The following SLC9A9 variants were observed in gnomAD, a reference collection of about 807,000 sequenced individuals.
The protein encoded by SLC9A9 is sodium/hydrogen exchanger 9.
A neutral mutation model predicts 77.8 loss-of-function variants in SLC9A9; 62 were observed. That is an observed-to-expected ratio of 0.80 (90% CI 0.65 to 0.98). The LOEUF (loss-of-function observed/expected upper bound fraction) is 0.98. Among genes scored for constraint, SLC9A9 ranks in the 50% least tolerant of loss-of-function variants. The probability of loss-of-function intolerance (pLI) is 0.00; values close to 1 mark genes in which losing one functional copy is unlikely to be tolerated. For synonymous variants in SLC9A9, 320 were observed against 283.5 expected (o/e 1.13, Z -1.29); for missense variants, 775 against 774.9 (o/e 1.00, Z 0.00).
At chr3:143,626,786 A>C in intron 6 of SLC9A9, 1 of 152,258 alleles carries the variant, frequency 6.6e-6, no homozygotes, top group African/African-American at 2.4e-5. Context: ...AAAAAGAAAT[A>C]GGAGAAACAA....
intron 13 of SLC9A9, among the ~76,000 whole-genome samples, chr3:143,368,927 C>A (rs1379355405): frequency 6.6e-6 from 1 of 152,116 alleles, no homozygotes; most frequent in Non-Finnish European, 1.5e-5. Flanking sequence ...TAATTCTTAG[C>A]CTCTGCATAG....
chr3:143,654,286 G>A (rs1490129827), intron 5 of SLC9A9, among the ~76,000 whole-genome samples: 1 of 152,104 alleles, frequency 6.6e-6, no homozygotes, highest in East Asian at 1.9e-4. Context: ...TTTTAAAGAA[G>A]TTACTGCAAA....
intron 4 of SLC9A9, among the ~76,000 whole-genome samples, chr3:143,757,747 C>T (rs768321391): frequency 1.3e-5 from 2 of 152,058 alleles, no homozygotes; most frequent in Non-Finnish European, 2.9e-5. Flanking sequence ...TGTTTCACCT[C>T]GTATTTTTGC....
intron 14 of SLC9A9, among the ~76,000 whole-genome samples, chr3:143,321,362 G>A (rs1012470648): frequency 5.9e-5 from 9 of 152,288 alleles, no homozygotes; most frequent in South Asian, 2.1e-4. Context: ...AGGAAGGGAC[G>A]GAAATAGGTA....
chr3:143,732,211 A>G (rs1302119309), intron 4 of SLC9A9, among the ~76,000 whole-genome samples: 1 of 152,190 alleles, frequency 6.6e-6, no homozygotes, highest in African/African-American at 2.4e-5. Context: ...CTGTGCCATG[A>G]ATTTTAAATA....
Position 143,280,471 on chromosome 3 carries a change from G to A in SLC9A9, c.1605-11491C>T, listed in dbSNP as rs184892261. The stretch of plus-strand genomic sequence containing the variant: ...ATGTCACAAATCTCTTCTCCTCCTA[G>A]ACATACTTTTTTCCTCAGATGTAGT... On this transcript the variant is annotated intron_variant, in intron 14 of 15. Coordinates refer to ENST00000316549, the MANE Select transcript of SLC9A9 (RefSeq NM_173653.4). Among the ~76,000 whole-genome samples, 21 of 151,478 alleles carry A rather than the reference G, an allele frequency of 1.4e-4. 1 individual carries two copies. The East Asian group carries it at 4.1e-3, about 29-fold the overall frequency.
At chr3:143,725,714 C>T (rs1396928881) in intron 4 of SLC9A9, among the ~76,000 whole-genome samples, 9 of 123,382 alleles carry the variant, frequency 7.3e-5, no homozygotes, top group Non-Finnish European at 1.1e-4. Context: ...GGAAGGGGAA[C>T]GTCACACTCT....
chr3:143,337,372 AG>A (rs1467134652), intron 14 of SLC9A9, among the ~76,000 whole-genome samples: 1 of 152,190 alleles, frequency 6.6e-6, no homozygotes, highest in Non-Finnish European at 1.5e-5. Context: ...GTCACCTGAT[AG>A]GAAACATCAG....
intron 14 of SLC9A9, among the ~76,000 whole-genome samples, chr3:143,301,067 C>A (rs1183229639): frequency 6.6e-6 from 1 of 152,206 alleles, no homozygotes; most frequent in South Asian, 2.1e-4. Context: ...CCACCTTCAC[C>A]ATGACCTTGG....
At chr3:143,475,515 G>C (rs1398456112) in intron 11 of SLC9A9, among the ~76,000 whole-genome samples, 1 of 151,932 alleles carries the variant, frequency 6.6e-6, no homozygotes, top group Non-Finnish European at 1.5e-5. Context: ...ATTAGAGGCC[G>C]GGTGCAGTGG....
intron 1 of SLC9A9, among the ~76,000 whole-genome samples, chr3:143,847,147 C>T (rs974464720): frequency 2.0e-5 from 3 of 152,162 alleles, no homozygotes; most frequent in Non-Finnish European, 2.9e-5. Flanking sequence ...GATCTGTACC[C>T]TGAATCTCAG....
chr3:143,579,960 G>A (rs1376833486), intron 6 of SLC9A9, among the ~76,000 whole-genome samples: 1 of 152,202 alleles, frequency 6.6e-6, no homozygotes, highest in African/African-American at 2.4e-5. Context: ...AACCCCCAAA[G>A]TAGGCCAAAC....
At chr3:143,463,458 G>A (rs986464039) in intron 12 of SLC9A9, among the ~76,000 whole-genome samples, 4 of 152,174 alleles carry the variant, frequency 2.6e-5, no homozygotes, top group Admixed American at 2.0e-4. Context: ...CCATTTGGTC[G>A]ATAATCTTGT....
chr3:143,529,929 A>G (rs2036475565), intron 9 of SLC9A9, among the ~76,000 whole-genome samples: 1 of 151,922 alleles, frequency 6.6e-6, no homozygotes, highest in South Asian at 2.1e-4. Context: ...CACTCCTATG[A>G]CTCTAGGACG....
intron 8 of SLC9A9, among the ~76,000 whole-genome samples, chr3:143,559,847 C>A (rs1031239815): frequency 6.6e-6 from 1 of 152,178 alleles, no homozygotes; most frequent in East Asian, 1.9e-4. Flanking sequence ...AGAACACAAA[C>A]CTTCAGATCA....
At chr3:143,373,277 T>A (rs13061803) in intron 13 of SLC9A9, among the ~76,000 whole-genome samples, 94,748 of 152,016 alleles carry the variant, frequency 0.62, 29,757 homozygotes, top group African/African-American at 0.65. Flanking sequence ...GCCATAAGAA[T>A]GAATGAAATA....
At chr3:143,518,848 A>G (rs868199707) in intron 9 of SLC9A9, among the ~76,000 whole-genome samples, 1 of 152,178 alleles carries the variant, frequency 6.6e-6, no homozygotes, top group African/African-American at 2.4e-5. Context: ...TGGAACTTTG[A>G]CTATTCTTGT....
At position 143,574,123 on chromosome 3, in the gene SLC9A9, C is replaced by T; in HGVS notation, c.965G>A (p.Ser322Asn). 1 of 1,613,568 alleles carries T rather than the reference C, an allele frequency of 6.2e-7. No individual in the cohort carries two copies. ...GGCAGCCTCGGCAGACAGGAAGGCA[C>T]TCCAAGAAAGCAGGAAAAACAGGCC... Reference protein sequence around the residue: ...ETGLFFLLSWSAFLSAEAAGL... With the variant: ...ETGLFFLLSWNAFLSAEAAGL... Residue 322 changes from serine to asparagine, a missense_variant, in exon 8 of 16, where the codon AGT becomes AAT. By Grantham distance (46) the Ser-to-Asn change is conservative. Coordinates refer to ENST00000316549, the MANE Select transcript of SLC9A9 (RefSeq NM_173653.4).
intron 4 of SLC9A9, among the ~76,000 whole-genome samples, chr3:143,735,288 C>G (rs1934911529): frequency 6.6e-6 from 1 of 152,076 alleles, no homozygotes; most frequent in African/African-American, 2.4e-5. Context: ...GAACAATAGA[C>G]CCCTAAAGTC....
Sources: allele counts gnomAD v4.1 joint callset (sites outside exome capture counted in the v4.1 genomes callset), GRCh38; gene constraint gnomAD v4.1.1; transcripts MANE v1.5; gene names NCBI Gene and HGNC (gene_info 2026-07-23, HGNC 2026-07-21).